The following SYNE2 variants were observed in gnomAD, a reference collection of about 807,000 sequenced individuals.
The protein encoded by SYNE2 is nesprin-2.
A neutral mutation model predicts 856.3 loss-of-function variants in SYNE2; 431 were observed. The ratio of observed to expected loss-of-function variants is 0.50; its 90% CI spans 0.47 to 0.55. SYNE2 has a LOEUF of 0.55. SYNE2 is among the 20% of genes least tolerant of loss of function. The probability of loss-of-function intolerance (pLI) is 0.00; values close to 1 mark genes in which losing one functional copy is unlikely to be tolerated. For synonymous variants in SYNE2, 2,923 were observed against 2,872.3 expected (o/e 1.02, Z -0.56); for missense variants, 8,129 against 8,023.2 (o/e 1.01, Z -0.50).
chr14:64,021,973 T>C lies in SYNE2; in HGVS notation c.5469T>C (p.Asp1823=). The part of the protein sequence containing the change: ...ELKKQYESVS[D]LFNTKKSVLQ... ...AAAAGCAATATGAAAGTGTCAGTGA[T>C]TTATTTAATACCAAAAAAAGTGTTT... Residue 1823 remains aspartate (D), a synonymous_variant, in exon 37 of 116, where the codon GAT becomes GAC. Coordinates refer to ENST00000555002, the MANE Select transcript of SYNE2 (RefSeq NM_182914.3). 1.9e-6 allele frequency: 3 copies of C among 1,613,916 alleles called. No individual in the cohort carries two copies. Among genetic ancestry groups the C allele is most frequent in the Non-Finnish European group, 2.5e-6 (3 of 1,179,888 alleles).
intron 11 of SYNE2, among the ~76,000 whole-genome samples, chr14:63,974,892 G>GTGTGTATA (rs1375697679): frequency 8.9e-5 from 6 of 67,326 alleles, no homozygotes; most frequent in Non-Finnish European, 1.6e-4. Context: ...GTGTGTGTGT[G>GTGTGTATA]TATATATATA....
chr14:63,773,076 C>G (rs189624227), intron 1 of SYNE2, among the ~76,000 whole-genome samples: 217 of 151,854 alleles, frequency 1.4e-3, no homozygotes, highest in African/African-American at 4.9e-3. Flanking sequence ...CTGCGCCCAG[C>G]CTATATTACA....
chr14:64,059,819 A>G (rs576187738), intron 49 of SYNE2, among the ~76,000 whole-genome samples: 1 of 152,316 alleles, frequency 6.6e-6, no homozygotes, highest in East Asian at 1.9e-4. Flanking sequence ...GCCATTGCCT[A>G]GAGTTGGAAA....
chr14:64,156,209 T>G (rs563110560), intron 85 of SYNE2, among the ~76,000 whole-genome samples: 1 of 152,306 alleles, frequency 6.6e-6, no homozygotes, highest in East Asian at 1.9e-4. Context: ...TGAAGCTTTA[T>G]TATAAGGCCA....
At chr14:63,864,869 G>C (rs1466266420) in intron 1 of SYNE2, among the ~76,000 whole-genome samples, 3 of 152,142 alleles carry the variant, frequency 2.0e-5, no homozygotes, top group African/African-American at 7.2e-5. Context: ...ATTTCCTGGG[G>C]TGTTGATCTT....
chr14:64,064,842 C>A (rs2097345856), intron 50 of SYNE2, among the ~76,000 whole-genome samples: 1 of 141,638 alleles, frequency 7.1e-6, no homozygotes, highest in South Asian at 2.3e-4. Context: ...CTGTGCCCAG[C>A]CACTTATAGA....
intron 64 of SYNE2, among the ~76,000 whole-genome samples, chr14:64,104,524 A>G (rs1595549563): frequency 7.1e-6 from 1 of 141,226 alleles, no homozygotes; most frequent in Non-Finnish European, 1.5e-5. Context: ...ATCTCAGCTC[A>G]CTGCAACCTC....
intron 43 of SYNE2, among the ~76,000 whole-genome samples, chr14:64,028,244 T>C (rs1224185550): frequency 6.6e-6 from 1 of 151,934 alleles, no homozygotes; most frequent in Non-Finnish European, 1.5e-5. Flanking sequence ...CTAATTTGAT[T>C]GATCCTGTTT....
intron 1 of SYNE2, among the ~76,000 whole-genome samples, chr14:63,902,398 G>A (rs1437002574): frequency 9.8e-6 from 1 of 101,806 alleles, no homozygotes; most frequent in Non-Finnish European, 1.8e-5. Flanking sequence ...GTGACAGAAC[G>A]AGACTCCTCA....
chr14:63,821,311 C>T (rs957209768), intron 1 of SYNE2, among the ~76,000 whole-genome samples: 1 of 152,130 alleles, frequency 6.6e-6, no homozygotes, highest in Non-Finnish European at 1.5e-5. Context: ...TTCTTTTCAA[C>T]TTACTAATCT....
chr14:63,786,362 C>G (rs553727826), intron 1 of SYNE2, among the ~76,000 whole-genome samples: 1 of 152,260 alleles, frequency 6.6e-6, no homozygotes, highest in South Asian at 2.1e-4. Context: ...CAGCAGTGAT[C>G]ATGCCACTGC....
chr14:64,101,486 C>G (rs2097729000), intron 63 of SYNE2, among the ~76,000 whole-genome samples: 1 of 152,102 alleles, frequency 6.6e-6, no homozygotes, highest in Admixed American at 6.6e-5. Flanking sequence ...GGATCTCACT[C>G]TGTTGCCTAG....
intron 2 of SYNE2, among the ~76,000 whole-genome samples, chr14:63,925,395 GT>G (rs1401643883): frequency 8.5e-6 from 1 of 117,970 alleles, no homozygotes; most frequent in Non-Finnish European, 2.1e-5. Flanking sequence ...TGAATACGTA[GT>G]AGTTGTATAT....
chr14:64,150,222 G>A (rs938236471), intron 84 of SYNE2, among the ~76,000 whole-genome samples: 7 of 143,150 alleles, frequency 4.9e-5, no homozygotes, highest in Non-Finnish European at 9.0e-5. Flanking sequence ...CTTGAATCCC[G>A]GAGGCGGAGT....
chr14:63,970,248 G>A (rs2096456447), intron 11 of SYNE2, among the ~76,000 whole-genome samples: 1 of 151,982 alleles, frequency 6.6e-6, no homozygotes, highest in Non-Finnish European at 1.5e-5. Flanking sequence ...GAGTGCACCA[G>A]CACAATCATG....
Position 64,143,842 on chromosome 14 carries a change from G to A in SYNE2, c.15377G>A (p.Ser5126Asn). Residue 5126 changes from serine (S) to asparagine (N), a missense_variant, in exon 83 of 116, where the codon AGC becomes AAC. Physicochemically the swap from Ser to Asn is conservative, Grantham distance 46. Coordinates refer to ENST00000555002, the MANE Select transcript of SYNE2 (RefSeq NM_182914.3). ...GTTAACCAGTCATTACTTCAGCTAAGCACCTGTGATGTAGAAAGCAAGCGC... is the reference window on the plus strand; with the variant it reads ...GTTAACCAGTCATTACTTCAGCTAAACACCTGTGATGTAGAAAGCAAGCGC... ...DFVNQSLLQL[S>N]TCDVESKRYE... The A allele has an allele frequency of 6.2e-7, 1 of 1,614,230 alleles. No homozygotes were observed. The highest frequency in any genetic ancestry group is 8.5e-7 in the Non-Finnish European group (1 of 1,180,028).
chr14:64,014,656 T>C (rs1197369709), intron 32 of SYNE2, among the ~76,000 whole-genome samples: 4 of 142,138 alleles, frequency 2.8e-5, no homozygotes. Flanking sequence ...CTCGAACTCC[T>C]GACCTTGTGA....
chr14:64,215,649 T>G, intron 107 of SYNE2: 1 of 527,214 alleles, frequency 1.9e-6, no homozygotes. Context: ...CTAACTGAAG[T>G]CCTTTGGCAT....
intron 32 of SYNE2, among the ~76,000 whole-genome samples, chr14:64,012,391 T>C (rs900920318): frequency 4.6e-5 from 7 of 152,202 alleles, no homozygotes; most frequent in African/African-American, 1.7e-4. Context: ...GTTATTAAAG[T>C]AGCATGTGGG....
Sources: allele counts gnomAD v4.1 joint callset (sites outside exome capture counted in the v4.1 genomes callset), GRCh38; gene constraint gnomAD v4.1.1; transcripts MANE v1.5; gene names NCBI Gene and HGNC (gene_info 2026-07-23, HGNC 2026-07-21).